CSMD1: variants seen among roughly 807,000 people sequenced by gnomAD.
CSMD1 encodes CUB and Sushi multiple domains 1, also known as CUB and sushi domain-containing protein 1.
Under a neutral mutation model 417.5 loss-of-function variants are expected in CSMD1, and 213 were observed. That is an observed-to-expected ratio of 0.51 (90% confidence interval 0.46 to 0.57). The LOEUF (loss-of-function observed/expected upper bound fraction) is 0.57. Ranked by LOEUF, CSMD1 falls within the 20% of genes least tolerant of loss-of-function variation. CSMD1 has a pLI of 0.00. For synonymous variants in CSMD1, 2,862 were observed against 1,736.8 expected, an observed-to-expected ratio of 1.65 and a Z score of -16.11; for missense variants, 6,923 against 4,529.7, an observed-to-expected ratio of 1.53 and a Z score of -15.17.
chr8:4,985,199 G>A (rs779408726), intron 1 of CSMD1, among the ~76,000 whole-genome samples: 10 of 152,028 alleles, frequency 6.6e-5, no homozygotes, highest in East Asian at 5.8e-4. Context: ...AACACACACC[G>A]GGGCCTGTCA....
intron 1 of CSMD1, among the ~76,000 whole-genome samples, chr8:4,660,303 A>C (rs560837094): frequency 1.1e-4 from 16 of 152,224 alleles, no homozygotes; most frequent in South Asian, 8.3e-4. Flanking sequence ...AACGCAACAC[A>C]ATTTAAAGCC....
chr8:3,237,693 TACAA>T (rs1799237679), intron 26 of CSMD1, among the ~76,000 whole-genome samples: 1 of 144,322 alleles, frequency 6.9e-6, no homozygotes, highest in African/African-American at 2.5e-5. Context: ...ATACTTATAC[TACAA>T]ATATAATTTT....
chr8:4,071,462 T>C (rs552545122), intron 3 of CSMD1, among the ~76,000 whole-genome samples: 3 of 152,338 alleles, frequency 2.0e-5, no homozygotes, highest in Non-Finnish European at 4.4e-5. Flanking sequence ...ACGCCTATTT[T>C]TTTCCTGATA....
chr8:3,439,309 A>ATATATATTT lies in CSMD1; in HGVS notation c.1561+29402_1561+29403insAAATATATA. ...TATATATATATATATATATATATAT[A>ATATATATTT]TTTTTTTTTTTAATATGTATTTTTA... On this transcript the variant is annotated intron_variant, in intron 12 of 69. Coordinates refer to ENST00000635120, the MANE Select transcript of CSMD1 (RefSeq NM_033225.6). 2.9e-3 allele frequency among the ~76,000 whole-genome samples: 183 copies of ATATATATTT among 62,426 alleles called. 3 individuals carry two copies. The highest frequency in any genetic ancestry group is 9.3e-3 in the African/African-American group (139 of 15,008). The allele number at this position is 62,426 out of a possible 152,430, so 41.0% of individuals were successfully genotyped here. A position where few individuals can be genotyped will look rare whatever the true frequency, so the allele number is the denominator to read the frequency against.
intron 1 of CSMD1, among the ~76,000 whole-genome samples, chr8:4,774,746 A>G (rs1796761696): frequency 6.6e-6 from 1 of 152,064 alleles, no homozygotes; most frequent in Non-Finnish European, 1.5e-5. Context: ...TATTCTCATA[A>G]CAGACTTCCC....
At chr8:3,144,095 T>G (rs1437414488) in intron 40 of CSMD1, among the ~76,000 whole-genome samples, 1 of 152,188 alleles carries the variant, frequency 6.6e-6, no homozygotes, top group African/African-American at 2.4e-5. Flanking sequence ...ACAGTATGCC[T>G]GGGGTCCGAT....
intron 1 of CSMD1, among the ~76,000 whole-genome samples, chr8:4,954,770 A>G (rs1479442969): frequency 6.6e-6 from 1 of 152,286 alleles, no homozygotes; most frequent in East Asian, 1.9e-4. Flanking sequence ...AACTGCTATT[A>G]CACAGAATTA....
chr8:3,511,756 T>C (rs1563108741), intron 10 of CSMD1, among the ~76,000 whole-genome samples: 1 of 75,426 alleles, frequency 1.3e-5, no homozygotes, highest in African/African-American at 4.7e-5. Flanking sequence ...ACTCCATCTC[T>C]AAAAAAATAA....
chr8:3,350,261 T>C (rs186708610), intron 21 of CSMD1, among the ~76,000 whole-genome samples: 2,100 of 139,050 alleles, frequency 0.015, 64 homozygotes, highest in Non-Finnish European at 0.024. Flanking sequence ...ATAATACCTA[T>C]AATAACCTAT....
intron 1 of CSMD1, among the ~76,000 whole-genome samples, chr8:4,852,266 G>T (rs879705820): frequency 2.0e-5 from 3 of 152,168 alleles, no homozygotes; most frequent in Non-Finnish European, 4.4e-5. Flanking sequence ...TGGAGGTGGG[G>T]CCTTGTGGGA....
chr8:4,100,649 C>T (rs983384315), intron 3 of CSMD1, among the ~76,000 whole-genome samples: 6 of 152,050 alleles, frequency 3.9e-5, no homozygotes, highest in Non-Finnish European at 8.8e-5. Flanking sequence ...TCCATCATTT[C>T]GATGATGGAA....
At chr8:4,022,906 G>A (rs1278545750) in intron 4 of CSMD1, among the ~76,000 whole-genome samples, 2 of 152,214 alleles carry the variant, frequency 1.3e-5, no homozygotes, top group Non-Finnish European at 2.9e-5. Flanking sequence ...TTATTGTGAT[G>A]AAAGCAAGTG....
intron 10 of CSMD1, among the ~76,000 whole-genome samples, chr8:3,538,683 G>A (rs1321413800): frequency 6.6e-6 from 1 of 152,162 alleles, no homozygotes; most frequent in Non-Finnish European, 1.5e-5. Flanking sequence ...CCTTAGCAAC[G>A]TGGCATGGCC....
intron 5 of CSMD1, among the ~76,000 whole-genome samples, chr8:3,809,404 G>C (rs746646189): frequency 9.2e-5 from 14 of 152,222 alleles, no homozygotes; most frequent in East Asian, 5.8e-4. Flanking sequence ...ATTAGGGACT[G>C]TAAACCTTTG....
chr8:3,764,837 C>G (rs991736564), intron 5 of CSMD1, among the ~76,000 whole-genome samples: 1 of 150,894 alleles, frequency 6.6e-6, no homozygotes, highest in Non-Finnish European at 1.5e-5. Flanking sequence ...ACCTCTGCTG[C>G]CTGGGTTCAA....
At chr8:3,122,676 T>C (rs1817275479) in intron 41 of CSMD1, among the ~76,000 whole-genome samples, 3 of 152,176 alleles carry the variant, frequency 2.0e-5, no homozygotes, top group African/African-American at 7.2e-5. Flanking sequence ...TTTCCACTTT[T>C]GCTTCTTTCT....
intron 5 of CSMD1, among the ~76,000 whole-genome samples, chr8:3,821,559 G>C (rs557372666): frequency 3.9e-5 from 6 of 152,108 alleles, no homozygotes; most frequent in Non-Finnish European, 7.3e-5. Context: ...GAGGAGGGCG[G>C]ATCACTGAGG....
At chr8:4,443,307 C>A (rs1245980733) in intron 2 of CSMD1, among the ~76,000 whole-genome samples, 2 of 150,508 alleles carry the variant, frequency 1.3e-5, no homozygotes, top group Admixed American at 6.6e-5. Context: ...AGAAAATAAA[C>A]TTAACTTATT....
At chr8:3,646,359 T>C (rs1253884836) in intron 7 of CSMD1, among the ~76,000 whole-genome samples, 4 of 152,198 alleles carry the variant, frequency 2.6e-5, no homozygotes, top group African/African-American at 9.6e-5. Context: ...ATATGTATTT[T>C]CCAACTTTTT....
Sources: gnomAD v4.1 joint callset for allele counts (sites outside exome capture counted in the v4.1 genomes callset) on GRCh38, gnomAD v4.1.1 for gene constraint, MANE v1.5 for transcripts, NCBI Gene and HGNC (gene_info 2026-07-23, HGNC 2026-07-21) for gene names.